Variants in DAB1 observed in about 807,000 individuals in gnomAD.
DAB1 encodes the protein disabled homolog 1.
DAB1 carries 15 observed loss-of-function variants against 64.6 expected under a neutral mutation model. The ratio of observed to expected loss-of-function variants is 0.23; its 90% CI spans 0.16 to 0.36. DAB1 has a LOEUF of 0.36. Ranked by LOEUF, DAB1 falls within the 10% of genes least tolerant of loss-of-function variation. DAB1 has a pLI of 1.00. For synonymous variants in DAB1, 235 were observed against 251.9 expected (o/e 0.93, Z 0.64); for missense variants, 596 against 706.7 (o/e 0.84, Z 1.78).
chr1:57,612,579 T>C, intron 7 of DAB1, among the ~76,000 whole-genome samples: 1 of 152,086 alleles, frequency 6.6e-6, no homozygotes, highest in East Asian at 1.9e-4. Context: ...GGAATACAGG[T>C]GCAGGCATTC....
chr1:58,309,810 CAGG>C (rs888067335), intron 4 of DAB1, among the ~76,000 whole-genome samples: 1 of 151,996 alleles, frequency 6.6e-6, no homozygotes, highest in African/African-American at 2.4e-5. Context: ...TGTGGATGGA[CAGG>C]AGGAGACCTG....
In DAB1 at chr1:57,136,568, A is replaced by C. The variant is rs1416524109; in HGVS notation, c.281T>G (p.Ile94Ser). ...CCCTGTCTTCTCATCAAAGATTTTG[A>C]TTCCTCCAAAGGAGATGGTTAAAAA... ...KIFLTISFGG[I>S]KIFDEKTGAL... The change falls in exon 4 of 15, where the codon ATC becomes AGC. Residue 94 changes from isoleucine to serine, a missense_variant. Ile to Ser is a moderately radical substitution (Grantham distance 142). This residue lies in a region of DAB1 where 176 missense variants were observed against 266.7 expected (regional missense o/e 0.66). Coordinates refer to ENST00000371236, the MANE Select transcript of DAB1 (RefSeq NM_001365792.1). 6.6e-7 allele frequency: 1 copy of C among 1,510,212 alleles called. No individual in the cohort carries two copies. Among genetic ancestry groups the C allele is most frequent in the Non-Finnish European group, 9.0e-7 (1 of 1,111,026 alleles). 93.6% of individuals were successfully genotyped at this position (1,510,212 alleles called of 1,614,324 possible).
chr1:57,082,284 G>A (rs1652625948), intron 4 of DAB1, among the ~76,000 whole-genome samples: 1 of 152,202 alleles, frequency 6.6e-6, no homozygotes, highest in Non-Finnish European at 1.5e-5. Flanking sequence ...AACAGGAGAA[G>A]TCAAGGTACT....
At chr1:57,396,526 G>T (rs1431764343) in intron 1 of DAB1, among the ~76,000 whole-genome samples, 2 of 152,174 alleles carry the variant, frequency 1.3e-5, no homozygotes, top group East Asian at 1.9e-4. Context: ...ATTGTGGATT[G>T]TTCTTTGACT....
intron 2 of DAB1, among the ~76,000 whole-genome samples, chr1:58,520,213 G>GT (rs1290749243): frequency 6.6e-6 from 1 of 151,918 alleles, no homozygotes; most frequent in African/African-American, 2.4e-5. Flanking sequence ...ATTTACCCAC[G>GT]TAACAGACCT....
chr1:57,502,072 G>A (rs1644294864), intron 7 of DAB1, among the ~76,000 whole-genome samples: 1 of 152,012 alleles, frequency 6.6e-6, no homozygotes, highest in South Asian at 2.1e-4. Context: ...TGAAATCCCA[G>A]CACTTTGGGA....
chr1:58,296,235 AAGAAAG>A (rs1174813425), intron 4 of DAB1, among the ~76,000 whole-genome samples: 3 of 151,624 alleles, frequency 2.0e-5, no homozygotes, highest in Non-Finnish European at 4.4e-5. Context: ...GAAAGAAAGA[AAGAAAG>A]AAAGAAAGAA....
intron 7 of DAB1, among the ~76,000 whole-genome samples, chr1:57,429,390 A>G (rs954835250): frequency 2.0e-5 from 3 of 152,054 alleles, no homozygotes; most frequent in African/African-American, 7.3e-5. Context: ...TTGAGTATTA[A>G]CCCCTTATCA....
At chr1:58,354,493 A>G (rs975379785) in intron 3 of DAB1, among the ~76,000 whole-genome samples, 10 of 152,220 alleles carry the variant, frequency 6.6e-5, no homozygotes, top group African/African-American at 2.2e-4. Context: ...TTGACCTTAC[A>G]TATTATCCAA....
intron 3 of DAB1, among the ~76,000 whole-genome samples, chr1:58,406,378 G>A (rs1003821903): frequency 6.6e-6 from 1 of 152,218 alleles, no homozygotes; most frequent in African/African-American, 2.4e-5. Context: ...CAGCCCTGTC[G>A]CATCTCCCTC....
At chr1:57,057,173 A>G (rs1177337988) in intron 9 of DAB1, among the ~76,000 whole-genome samples, 3 of 152,190 alleles carry the variant, frequency 2.0e-5, no homozygotes, top group Non-Finnish European at 1.5e-5. Context: ...ATCTCCCCAG[A>G]TAATGGCCAA....
intron 7 of DAB1, among the ~76,000 whole-genome samples, chr1:57,460,098 C>A (rs1570540646): frequency 6.6e-6 from 1 of 152,160 alleles, no homozygotes; most frequent in South Asian, 2.1e-4. Context: ...CAGAAAAGTG[C>A]AAAGGCTAGA....
chr1:58,473,732 A>G, intron 3 of DAB1: 3 of 440,698 alleles, frequency 6.8e-6, no homozygotes, highest in Non-Finnish European at 1.2e-5. Flanking sequence ...TCTTATTGTT[A>G]GGGACTTGAT....
chr1:57,694,935 TATC>T (rs1326019087), intron 6 of DAB1, among the ~76,000 whole-genome samples: 1 of 152,128 alleles, frequency 6.6e-6, no homozygotes, highest in Non-Finnish European at 1.5e-5. Context: ...CATAAACTGT[TATC>T]ATATCTTAAA....
At chr1:57,546,098 T>TGTGTGC (rs869270008) in intron 7 of DAB1, among the ~76,000 whole-genome samples, 273 of 139,614 alleles carry the variant, frequency 2.0e-3, no homozygotes, top group African/African-American at 6.4e-3. Flanking sequence ...TGTGTGTGTG[T>TGTGTGC]GCGCGCACGT....
At chr1:57,116,229 C>T (rs554637) in intron 4 of DAB1, among the ~76,000 whole-genome samples, 121,947 of 151,698 alleles carry the variant, frequency 0.8, 49,159 homozygotes, top group East Asian at 0.98. Flanking sequence ...TTTGGGAGGC[C>T]GAGGCAGGTG....
At chr1:57,013,252 C>T (rs777619979) in intron 12 of DAB1, among the ~76,000 whole-genome samples, 6 of 152,202 alleles carry the variant, frequency 3.9e-5, no homozygotes, top group Non-Finnish European at 7.3e-5. Flanking sequence ...CCAAATGCCT[C>T]TCATGTCCCA....
At chr1:57,041,679 A>G (rs1415609009) in intron 9 of DAB1, among the ~76,000 whole-genome samples, 1 of 152,242 alleles carries the variant, frequency 6.6e-6, no homozygotes, top group African/African-American at 2.4e-5. Flanking sequence ...CCTGACAAAT[A>G]GTAAGGCTTC....
At position 56,994,906 on chromosome 1, in the gene DAB1, A is replaced by G. The variant is rs1645563334; in HGVS notation, c.*3238T>C. 1 of 152,228 alleles carries G rather than the reference A, an allele frequency of 6.6e-6. No individual in the cohort carries two copies. Among genetic ancestry groups the G allele is most frequent in the Non-Finnish European group, 1.5e-5 (1 of 68,050 alleles). 9.4% of individuals were successfully genotyped at this position (152,228 alleles called of 1,614,324 possible). ...ATAAAGTTAAAAATAATGTGTCCAT[A>G]TATGTTAACAAACTGTCATCTGAGG... is the stretch of plus-strand genomic sequence containing the variant. On this transcript the variant is annotated 3_prime_UTR_variant, in exon 15 of 15. Transcript: ENST00000371236.
Sources: allele counts gnomAD v4.1 joint callset (sites outside exome capture counted in the v4.1 genomes callset), GRCh38; gene constraint gnomAD v4.1.1; regional missense constraint gnomAD v4.1.1; transcripts MANE v1.5; gene names NCBI Gene and HGNC (gene_info 2026-07-23, HGNC 2026-07-21).